Variants in ANKRD24 observed in about 807,000 individuals in gnomAD.
ANKRD24 encodes the protein ankyrin repeat domain 24.
In ANKRD24, 109 loss-of-function variants were observed where a neutral mutation model predicts 127.8. That is an observed-to-expected ratio of 0.85 (90% confidence interval 0.73 to 1.00). The LOEUF (loss-of-function observed/expected upper bound fraction) is 1.00, where lower values mean the gene tolerates loss of function less well. ANKRD24 is among the 50% of genes least tolerant of loss of function. The probability of loss-of-function intolerance (pLI) is 0.00; values close to 1 mark genes in which losing one functional copy is unlikely to be tolerated. For synonymous variants in ANKRD24, 743 were observed against 671.1 expected (o/e 1.11, Z -1.66); for missense variants, 1,648 against 1,570.2 (o/e 1.05, Z -0.84).
At chr19:4,192,048 C>T (rs891817875) in intron 2 of ANKRD24, among the ~76,000 whole-genome samples, 1 of 152,116 alleles carries the variant, frequency 6.6e-6, no homozygotes, top group African/African-American at 2.4e-5. Flanking sequence ...CTCAGCCTCC[C>T]AAAGTGCTGG....
chr19:4,208,575 A>G (rs1050569344), intron 10 of ANKRD24, among the ~76,000 whole-genome samples, 189 bp from the exon 11 acceptor site: 1 of 151,766 alleles, frequency 6.6e-6, no homozygotes, highest in African/African-American at 2.4e-5. Flanking sequence ...GAGTCACCCC[A>G]TCCAGCCTAT....
chr19:4,213,961 C>T lies in ANKRD24; in HGVS notation c.1197+1263C>T, dbSNP rs114883448. 5.5e-3 allele frequency among the ~76,000 whole-genome samples: 840 copies of T among 152,142 alleles called. 5 individuals carry two copies. Among genetic ancestry groups the T allele is most frequent in the African/African-American group, 0.019 (781 of 41,514 alleles). On this transcript the variant is annotated intron_variant, in intron 15 of 21. Transcript: ENST00000318934. ...CAGAAAGGAGTTTTCTCTAAGCATACGCATCCATGCAGGGATGGATAACCA... is the reference window on the plus strand; with the variant it reads ...CAGAAAGGAGTTTTCTCTAAGCATATGCATCCATGCAGGGATGGATAACCA...
chr19:4,223,401 ATT>A (rs1173862080), intron 20 of ANKRD24, among the ~76,000 whole-genome samples: 43 of 53,306 alleles, frequency 8.1e-4, no homozygotes, highest in South Asian at 2.0e-3. Context: ...ATATATATAT[ATT>A]TTTTTTTTTT....
In ANKRD24 at chr19:4,217,474, G is replaced by A. The variant is rs1006153195; in HGVS notation, c.2314G>A (p.Glu772Lys). The change falls in exon 18 of 22, where the codon GAG (glutamate) becomes AAG (lysine). Residue 772 changes from glutamate (E) to lysine (K), a missense_variant. Coordinates refer to ENST00000318934, the MANE Select transcript of ANKRD24 (RefSeq NM_001393985.1). Reference sequence around the variant, plus strand: ...GCTGCGAGAGCGTGTCCGCGAGGCCGAGGGCAGCGGGGCCAGCGGGGGCGG... The same window carrying A: ...GCTGCGAGAGCGTGTCCGCGAGGCCAAGGGCAGCGGGGCCAGCGGGGGCGG... ...GRLRERVREAEGSGASGGGGG... is the reference protein window; with the variant it reads ...GRLRERVREAKGSGASGGGGG... 33 of 1,451,980 alleles carry A rather than the reference G, an allele frequency of 2.3e-5. No homozygotes were observed. Among genetic ancestry groups the A allele is most frequent in the African/African-American group, 5.9e-5 (4 of 67,524 alleles). The allele number at this position is 1,451,980 out of a possible 1,614,324, so 89.9% of individuals were successfully genotyped here. A position where few individuals can be genotyped will look rare whatever the true frequency, so the allele number is the denominator to read the frequency against.
intron 2 of ANKRD24, among the ~76,000 whole-genome samples, chr19:4,197,344 A>G (rs79212346): frequency 0.086 from 12,962 of 150,156 alleles, 763 homozygotes; most frequent in Non-Finnish European, 0.13. Context: ...GGGCGTGCCA[A>G]TGAATGAGCA....
At chr19:4,186,346 A>G (rs1599386506) in intron 1 of ANKRD24, 44 bp from the exon 2 acceptor site, 3 of 1,550,504 alleles carry the variant, frequency 1.9e-6, no homozygotes. Context: ...GCCGCCCACC[A>G]GGACTGGTGT....
chr19:4,204,792 G>A (rs915086686), intron 7 of ANKRD24, among the ~76,000 whole-genome samples: 2 of 152,170 alleles, frequency 1.3e-5, no homozygotes, highest in South Asian at 2.1e-4. Context: ...ACCTAGTGGC[G>A]GCAATGCTTC....
rs779111839 is a variant in ANKRD24 at position 4,207,523 on chromosome 19, T to C, written c.560T>C (p.Ile187Thr). 5 of 1,613,972 alleles carry C rather than the reference T, an allele frequency of 3.1e-6. No individual in the cohort carries two copies. Among genetic ancestry groups the C allele is most frequent in the Non-Finnish European group, 3.4e-6 (4 of 1,179,876 alleles). The change falls in exon 9 of 22, where the codon ATA becomes ACA. Residue 187 changes from isoleucine to threonine, a missense_variant. By Grantham distance (89) the Ile-to-Thr change is moderately conservative. Coordinates refer to ENST00000318934, the MANE Select transcript of ANKRD24 (RefSeq NM_001393985.1). ...QDRSGATPLI[I>T]AAQMCHTDLC... ...CAGTCAGGCGCAACACCCCTCATTA[T>C]AGCAGCTCAGATGTGTCACACAGAC... is the stretch of plus-strand genomic sequence containing the variant.
intron 11 of ANKRD24, among the ~76,000 whole-genome samples, chr19:4,209,811 G>T (rs1159149922): frequency 6.6e-6 from 1 of 152,212 alleles, no homozygotes; most frequent in South Asian, 2.1e-4. Context: ...GGGCAATGTG[G>T]TCTAGCTGGG....
intron 7 of ANKRD24, 52 bp from the exon 8 acceptor site, chr19:4,207,190 C>A: frequency 6.4e-7 from 1 of 1,550,420 alleles, no homozygotes; most frequent in Non-Finnish European, 8.9e-7. Context: ...TCCCAAGGTG[C>A]TGGGATTACA....
In ANKRD24 at chr19:4,224,505, A is replaced by T; in HGVS notation, c.3441A>T (p.Ter1147CysextTer73). The T allele has an allele frequency of 6.2e-7, 1 of 1,606,852 alleles. No individual in the cohort carries two copies. Among genetic ancestry groups the T allele is most frequent in the Non-Finnish European group, 8.5e-7 (1 of 1,177,000 alleles). ...QMQRLQAQGR* is the reference protein window; with the variant it reads ...QMQRLQAQGRC Reference sequence around the variant, plus strand: ...AGAGACTCCAGGCTCAGGGCCGCTGAGAAAGGCCAGGCCCAGTGGCTACAC... The same window carrying T: ...AGAGACTCCAGGCTCAGGGCCGCTGTGAAAGGCCAGGCCCAGTGGCTACAC... The change falls in exon 22 of 22, where the codon TGA (stop) becomes TGT (cysteine). Residue 1147 changes from the stop codon to cysteine, a stop_lost. Coordinates refer to ENST00000318934, the MANE Select transcript of ANKRD24 (RefSeq NM_001393985.1).
chr19:4,198,148 G>T lies in ANKRD24; in HGVS notation c.37-1535G>T, dbSNP rs568051108. The stretch of plus-strand genomic sequence containing the variant: ...CCGCGGGTCCCCTGGAGATGCAGCC[G>T]GCGGCCTGCGCTGGTGAGGGAGCCG... On this transcript the variant is annotated intron_variant, in intron 2 of 21. Transcript: ENST00000318934. The surrounding 1 kb of genome is among the most constrained non-coding windows in gnomAD (Gnocchi z 6.1). The T allele has an allele frequency of 9.2e-5, 49 of 534,740 alleles. No homozygotes were observed. The African/African-American group carries it at 9.4e-4, about 10-fold the overall frequency. The allele number at this position is 534,740 out of a possible 1,614,324, so 33.1% of individuals were successfully genotyped here. A position where few individuals can be genotyped will look rare whatever the true frequency, so the allele number is the denominator to read the frequency against.
At position 4,217,811 on chromosome 19, in the gene ANKRD24, G is replaced by A. The variant is rs1423195353; in HGVS notation, c.2651G>A (p.Arg884Gln). ...CGGGCACGGGACGCCGCTGAGGCCC[G>A]AGTGGCTGAGCTGCCTGCGGCCTGC... ...LGRARDAAEA[R>Q]VAELPAACEE... Residue 884 changes from arginine (R) to glutamine (Q), a missense_variant, in exon 18 of 22, where the codon CGA (arginine) becomes CAA (glutamine). Arg to Gln is a conservative substitution (Grantham distance 43). Coordinates refer to ENST00000318934, the MANE Select transcript of ANKRD24 (RefSeq NM_001393985.1). The A allele has an allele frequency of 1.0e-5, 14 of 1,385,692 alleles. No individual in the cohort carries two copies. The South Asian group carries it at 1.9e-4, about 19-fold the overall frequency. 85.8% of individuals were successfully genotyped at this position (1,385,692 alleles called of 1,614,324 possible).
At chr19:4,209,432 T>G (rs774532734) in intron 11 of ANKRD24, among the ~76,000 whole-genome samples, 140 of 148,562 alleles carry the variant, frequency 9.4e-4, no homozygotes, top group Admixed American at 1.6e-3. Flanking sequence ...TTTTTTTTGT[T>G]GTTGTTGTTG....
Position 4,219,774 on chromosome 19 carries a change from C to A in ANKRD24, c.3171+16C>A. 2 of 1,586,662 alleles carry A rather than the reference C, an allele frequency of 1.3e-6. No individual in the cohort carries two copies. Among genetic ancestry groups the A allele is most frequent in the South Asian group, 2.3e-5 (2 of 88,680 alleles). On this transcript the variant is annotated intron_variant, in intron 19 of 21. Transcript: ENST00000318934. ...GGACAAGAAGGTGGGTGCCCCCTCTCCCACACTCAGTCAGGGAGGCATCCA... is the reference window on the plus strand; with the variant it reads ...GGACAAGAAGGTGGGTGCCCCCTCTACCACACTCAGTCAGGGAGGCATCCA...
chr19:4,194,299 T>C (rs1422184058), intron 2 of ANKRD24, among the ~76,000 whole-genome samples: 11 of 152,178 alleles, frequency 7.2e-5, no homozygotes, highest in African/African-American at 2.6e-4. Context: ...ATTACAGGCG[T>C]GCACCACCGT....
intron 2 of ANKRD24, among the ~76,000 whole-genome samples, chr19:4,189,265 T>TTTTC (rs1968246743): frequency 6.8e-6 from 1 of 146,100 alleles, no homozygotes; most frequent in African/African-American, 2.5e-5. Flanking sequence ...TTTTTTTTTT[T>TTTTC]GAAGGAGTCT....
At chr19:4,185,511 C>T (rs1253240007) in intron 1 of ANKRD24, among the ~76,000 whole-genome samples, 1 of 152,118 alleles carries the variant, frequency 6.6e-6, no homozygotes, top group African/African-American at 2.4e-5. Context: ...CACATAGGGC[C>T]TCACAGTCAC....
Position 4,199,556 on chromosome 19 carries a change from G to C in ANKRD24, c.37-127G>C. On this transcript the variant is annotated intron_variant, in intron 2 of 21. Transcript: ENST00000318934. This position sits in a 1 kb window ranked among gnomAD's most constrained non-coding sequence, Gnocchi z 5.2. ...AATAGATGCCAGGGGGCTGCTCAGG[G>C]GATGATGCTGGTGGTGGGCTTTTGT... 1.4e-6 allele frequency: 2 copies of C among 1,432,034 alleles called. No individual in the cohort carries two copies. The highest frequency in any genetic ancestry group is 1.8e-6 in the Non-Finnish European group (2 of 1,097,524). 88.7% of individuals were successfully genotyped at this position (1,432,034 alleles called of 1,614,324 possible).
Sources: gnomAD v4.1 joint callset for allele counts (sites outside exome capture counted in the v4.1 genomes callset) on GRCh38, gnomAD v4.1.1 for gene constraint, Gnocchi (gnomAD v3.1) non-coding constraint, MANE v1.5 for transcripts, NCBI Gene and HGNC (gene_info 2026-07-23, HGNC 2026-07-21) for gene names.